TADA2A: variants seen among roughly 807,000 people sequenced by gnomAD.
The protein encoded by TADA2A is transcriptional adapter 2-alpha.
Under a neutral mutation model 67.4 loss-of-function variants are expected in TADA2A, and 38 were observed. The observed-to-expected ratio is 0.56, with a 90% CI of 0.44 to 0.74. The LOEUF (loss-of-function observed/expected upper bound fraction) is 0.74, where lower values mean the gene tolerates loss of function less well. Ranked by LOEUF, TADA2A falls within the 30% of genes least tolerant of loss-of-function variation. The pLI is 0.00. For missense variants in TADA2A, 454 were observed against 547.0 expected (o/e 0.83, Z 1.70); for synonymous variants, 192 against 181.6 (o/e 1.06, Z -0.46).
intron 1 of TADA2A, chr17:37,408,417 A>G (rs2051721096): frequency 6.6e-6 from 1 of 151,806 alleles, no homozygotes; most frequent in Admixed American, 6.6e-5. Flanking sequence ...ACGCCCAGCT[A>G]ATTTTGTATT....
At chr17:37,464,491 C>A (rs1417176720) in intron 10 of TADA2A, among the ~76,000 whole-genome samples, 52 of 152,146 alleles carry the variant, frequency 3.4e-4, no homozygotes, top group Admixed American at 3.4e-3. Flanking sequence ...GTAAGATCTG[C>A]CTTTAATTGT....
chr17:37,418,253 A>C (rs1172800420), intron 2 of TADA2A, among the ~76,000 whole-genome samples: 1 of 152,218 alleles, frequency 6.6e-6, no homozygotes, highest in Non-Finnish European at 1.5e-5. Flanking sequence ...ATTCACTTGA[A>C]TGTCTGGTGG....
chr17:37,432,983 A>G (rs2052617522), intron 4 of TADA2A, among the ~76,000 whole-genome samples: 1 of 147,960 alleles, frequency 6.8e-6, no homozygotes, highest in South Asian at 2.1e-4. Flanking sequence ...TTCAGATACA[A>G]ATAAGATTCA....
intron 9 of TADA2A, among the ~76,000 whole-genome samples, chr17:37,460,566 CTCTT>C (rs2053524561): frequency 1.3e-5 from 2 of 152,238 alleles, no homozygotes; most frequent in Non-Finnish European, 2.9e-5. Flanking sequence ...TTTTAATGTT[CTCTT>C]TCTAACTGTT....
rs747169374 is a variant in TADA2A, at chr17:37,465,442, C to T, written c.724C>T (p.Arg242Trp). Residue 242 changes from arginine (R) to tryptophan (W), a missense_variant, in exon 11 of 16, where the codon CGG becomes TGG. Arg to Trp is a moderately radical substitution (Grantham distance 101). This residue lies in a region of TADA2A where 403 missense variants were observed against 455.5 expected (regional missense o/e 0.88). Transcript: ENST00000615182. ...NLRKFQLMER[R>W]YPKEVQDLYE... is the part of the protein sequence containing the mutation. Reference sequence around the variant, plus strand: ...TATTTTCTCTGTAGTAATGGAACGGCGGTATCCCAAGGAGGTCCAGGACCT... The same window carrying T: ...TATTTTCTCTGTAGTAATGGAACGGTGGTATCCCAAGGAGGTCCAGGACCT... 21 of 1,612,478 alleles carry T rather than the reference C, an allele frequency of 1.3e-5. No individual in the cohort carries two copies. The highest frequency in any genetic ancestry group is 1.6e-5 in the Non-Finnish European group (19 of 1,179,230).
At position 37,470,466 on chromosome 17, in the gene TADA2A, C is replaced by T. The variant is rs1305091524; in HGVS notation, c.962C>T (p.Ser321Leu). The T allele has an allele frequency of 2.5e-6, 4 of 1,612,552 alleles. No individual in the cohort carries two copies. The highest frequency in any genetic ancestry group is 3.4e-6 in the Non-Finnish European group (4 of 1,179,532). Reference sequence around the variant, plus strand: ...GAGCGCCTTAAACGCACTATGCTCTCAGAAGTTCTCCAGTATATCCAGGAC... The same window carrying T: ...GAGCGCCTTAAACGCACTATGCTCTTAGAAGTTCTCCAGTATATCCAGGAC... ...EEERLKRTML[S>L]EVLQYIQDSS... Residue 321 changes from serine (S) to leucine (L), a missense_variant, in exon 13 of 16, where the codon TCA becomes TTA. Ser to Leu is a moderately radical substitution (Grantham distance 145). Coordinates refer to ENST00000615182, the MANE Select transcript of TADA2A (RefSeq NM_001166105.3).
In TADA2A at chr17:37,471,130, G is replaced by A. The variant is rs751636581; in HGVS notation, c.1065G>A (p.Ser355=). ...TGAGTCCTTCCATTCCAATGGCTTCGAATTCAGGTAATTATTTCTCAGGCC... is the reference window on the plus strand; with the variant it reads ...TGAGTCCTTCCATTCCAATGGCTTCAAATTCAGGTAATTATTTCTCAGGCC... ...SGLSPSIPMA[S]NSGRRSAPPL... is the part of the protein sequence containing the mutation. The change falls in exon 14 of 16, where the codon TCG becomes TCA. Residue 355 remains serine (S), a synonymous_variant. Transcript: ENST00000615182. 6.8e-6 allele frequency: 11 copies of A among 1,613,912 alleles called. No individual in the cohort carries two copies. Among genetic ancestry groups the A allele is most frequent in the African/African-American group, 4.0e-5 (3 of 74,900 alleles).
intron 11 of TADA2A, 38 bp from the exon 12 acceptor site, chr17:37,467,416 T>C: frequency 6.3e-7 from 1 of 1,581,152 alleles, no homozygotes; most frequent in African/African-American, 1.4e-5. Context: ...TGCTTTTGTT[T>C]TTGTAATTTT....
intron 1 of TADA2A, chr17:37,407,525 G>C (rs1034447526): frequency 6.6e-6 from 1 of 152,290 alleles, no homozygotes; most frequent in African/African-American, 2.4e-5. Flanking sequence ...GCGATTGTTA[G>C]TTTGGAGCTA....
chr17:37,476,736 G>A (rs1296954895), intron 15 of TADA2A, 61 bp from the exon 16 acceptor site: 1 of 1,558,022 alleles, frequency 6.4e-7, no homozygotes, highest in African/African-American at 1.4e-5. Context: ...TGCTATACCT[G>A]CTGGATTAAA....
intron 2 of TADA2A, among the ~76,000 whole-genome samples, chr17:37,417,049 C>G (rs2052072386): frequency 6.6e-6 from 1 of 151,988 alleles, no homozygotes; most frequent in African/African-American, 2.4e-5. Flanking sequence ...AATTTTAGTT[C>G]TAGGAAAATA....
intron 2 of TADA2A, among the ~76,000 whole-genome samples, chr17:37,412,770 C>T (rs2051917682): frequency 1.0e-5 from 1 of 97,852 alleles, no homozygotes; most frequent in Admixed American, 1.2e-4. Flanking sequence ...GTGACAAGAG[C>T]AAGAATCTGT....
intron 5 of TADA2A, 134 bp downstream of exon 5, chr17:37,437,963 G>A (rs1003694192): frequency 1.4e-4 from 110 of 771,332 alleles, no homozygotes; most frequent in Non-Finnish European, 3.1e-5. Context: ...TTAGAGGCAA[G>A]TTAGTCCCCT....
intron 2 of TADA2A, among the ~76,000 whole-genome samples, chr17:37,412,610 C>T (rs1342353482): frequency 2.6e-5 from 4 of 151,976 alleles, no homozygotes; most frequent in Admixed American, 6.6e-5. Context: ...AAGGCAAAAC[C>T]CCGTCTCTAC....
chr17:37,457,049 A>C (rs2053411502), intron 8 of TADA2A, among the ~76,000 whole-genome samples: 1 of 152,198 alleles, frequency 6.6e-6, no homozygotes, highest in Non-Finnish European at 1.5e-5. Flanking sequence ...TCTACACTCT[A>C]AACAGTTGCT....
chr17:37,421,550 C>T (rs1463150632), intron 2 of TADA2A, among the ~76,000 whole-genome samples: 1 of 147,446 alleles, frequency 6.8e-6, no homozygotes, highest in African/African-American at 2.5e-5. Context: ...TGAGGCAGCT[C>T]AAATTCCTGG....
In TADA2A at chr17:37,421,867, T is replaced by C. The variant is rs545122718; in HGVS notation, c.26-1642T>C. On this transcript the variant is annotated intron_variant, in intron 2 of 15. Coordinates refer to ENST00000615182, the MANE Select transcript of TADA2A (RefSeq NM_001166105.3). Reference sequence around the variant, plus strand: ...CAAAAGAACAGTACAATGATGATGATGTGTTTTTTTATTTTTTTATTTTTT... The same window carrying C: ...CAAAAGAACAGTACAATGATGATGACGTGTTTTTTTATTTTTTTATTTTTT... Among the ~76,000 whole-genome samples, 12 of 91,876 alleles carry C rather than the reference T, an allele frequency of 1.3e-4. 2 individuals carry two copies. The highest frequency in any genetic ancestry group is 5.7e-4 in the African/African-American group (12 of 21,084). 60.3% of individuals were successfully genotyped at this position (91,876 alleles called of 152,430 possible).
chr17:37,418,612 A>T (rs1273788166), intron 2 of TADA2A, among the ~76,000 whole-genome samples: 1 of 150,596 alleles, frequency 6.6e-6, no homozygotes, highest in Non-Finnish European at 1.5e-5. Flanking sequence ...TTTTTTTGAG[A>T]CGGAGTTTCG....
At chr17:37,446,376 T>C in intron 8 of TADA2A, among the ~76,000 whole-genome samples, 1 of 152,132 alleles carries the variant, frequency 6.6e-6, no homozygotes. Context: ...AATGGTATTG[T>C]TTTCTGGCTT....
Sources: gnomAD v4.1 joint callset for allele counts (sites outside exome capture counted in the v4.1 genomes callset) on GRCh38, gnomAD v4.1.1 for gene constraint, gnomAD v4.1.1 regional missense constraint, MANE v1.5 for transcripts, NCBI Gene and HGNC (gene_info 2026-07-23, HGNC 2026-07-21) for gene names.